Variants in GALK2 observed in about 807,000 individuals in gnomAD.
GALK2 encodes N-acetylgalactosamine kinase.
In GALK2, 36 loss-of-function variants were observed where a neutral mutation model predicts 52.4. The ratio of observed to expected loss-of-function variants is 0.69; its 90% CI spans 0.53 to 0.91. GALK2 has a LOEUF of 0.91. Among genes scored for constraint, GALK2 ranks in the 40% least tolerant of loss-of-function variants. The pLI, the probability that GALK2 is intolerant of heterozygous loss-of-function variation, is 0.00. For missense variants in GALK2, 579 were observed against 559.1 expected, an observed-to-expected ratio of 1.04 and a Z score of -0.36; for synonymous variants, 176 against 199.1, an observed-to-expected ratio of 0.88 and a Z score of 0.98.
chr15:49,197,525 A>G (rs1261566403), intron 1 of GALK2, among the ~76,000 whole-genome samples: 3 of 152,224 alleles, frequency 2.0e-5, no homozygotes, highest in Non-Finnish European at 4.4e-5. Flanking sequence ...AAATCTAAAC[A>G]TGAAATTTAT....
At chr15:49,281,016 T>G (rs999141996) in intron 5 of GALK2, among the ~76,000 whole-genome samples, 6 of 152,118 alleles carry the variant, frequency 3.9e-5, no homozygotes, top group Non-Finnish European at 1.5e-5. Flanking sequence ...TTTGTATTTT[T>G]AGTAGAGATG....
At chr15:49,225,110 G>C (rs1480187791) in intron 3 of GALK2, 1 of 431,158 alleles carries the variant, frequency 2.3e-6, no homozygotes, top group South Asian at 1.7e-5. Flanking sequence ...AGTGGGGTAG[G>C]GGGAGACAGA....
At chr15:49,201,391 T>G (rs960426974) in intron 2 of GALK2, 141 bp downstream of exon 2, 20 of 535,972 alleles carry the variant, frequency 3.7e-5, no homozygotes, top group Non-Finnish European at 5.9e-5. Flanking sequence ...TGCCTTTGCA[T>G]AAGGAACACA....
intron 2 of GALK2, among the ~76,000 whole-genome samples, chr15:49,207,773 A>G (rs1456767600): frequency 6.6e-6 from 1 of 151,860 alleles, no homozygotes; most frequent in Non-Finnish European, 1.5e-5. Flanking sequence ...CTAATGGTCT[A>G]TCAATTTTCT....
intron 1 of GALK2, among the ~76,000 whole-genome samples, chr15:49,175,383 AAG>A (rs2085368519): frequency 6.6e-6 from 1 of 152,136 alleles, no homozygotes; most frequent in Non-Finnish European, 1.5e-5. Flanking sequence ...GGGGTTTAGC[AAG>A]AGAGTGGTTT....
At chr15:49,283,205 G>C (rs577220052) in intron 6 of GALK2, among the ~76,000 whole-genome samples, 2 of 152,256 alleles carry the variant, frequency 1.3e-5, no homozygotes, top group Non-Finnish European at 2.9e-5. Flanking sequence ...TTAGAACTCA[G>C]TTTAGATTTC....
intron 1 of GALK2, among the ~76,000 whole-genome samples, chr15:49,197,088 T>A (rs905379638): frequency 6.6e-5 from 10 of 152,346 alleles, no homozygotes; most frequent in African/African-American, 2.4e-4. Flanking sequence ...AGCGAGTCCC[T>A]GTCTCTCACT....
chr15:49,318,853 C>A, intron 8 of GALK2: 1 of 426,950 alleles, frequency 2.3e-6, no homozygotes, highest in Admixed American at 2.8e-5. Context: ...CATGTCACTT[C>A]ACTCTATTGA....
At chr15:49,284,387 A>G (rs185592733) in intron 7 of GALK2, among the ~76,000 whole-genome samples, 3 of 152,316 alleles carry the variant, frequency 2.0e-5, no homozygotes, top group East Asian at 3.9e-4. Flanking sequence ...GAAACAGGAA[A>G]TGGTTAATAT....
At chr15:49,315,478 C>A (rs749557568) in intron 8 of GALK2, among the ~76,000 whole-genome samples, 4 of 152,112 alleles carry the variant, frequency 2.6e-5, no homozygotes, top group Non-Finnish European at 2.9e-5. Flanking sequence ...ATAACAGAGA[C>A]CTGATGAGTT....
rs113924587 is a variant in GALK2 at position 49,206,051 on chromosome 15, G to C, written c.142+4801G>C. ...AAGATCAGTTGGCTATAAGTATTTG[G>C]GTTTATTTGTGCGTTCTCTATTTTG... On this transcript the variant is annotated intron_variant, in intron 2 of 9. Transcript: ENST00000560031. 6.4e-3 allele frequency among the ~76,000 whole-genome samples: 971 copies of C among 152,100 alleles called. 17 individuals are homozygous for C. The highest frequency in any genetic ancestry group is 0.023 in the African/African-American group (934 of 41,490).
chr15:49,230,838 T>C (rs2090459996), intron 3 of GALK2, among the ~76,000 whole-genome samples: 1 of 152,224 alleles, frequency 6.6e-6, no homozygotes, highest in Admixed American at 6.5e-5. Context: ...CTCAGAATTC[T>C]ACAAACATGG....
intron 2 of GALK2, among the ~76,000 whole-genome samples, chr15:49,209,183 A>C (rs1229083484): frequency 6.6e-6 from 1 of 152,108 alleles, no homozygotes; most frequent in Non-Finnish European, 1.5e-5. Flanking sequence ...TTTAATACTG[A>C]TTTTGTATCT....
At chr15:49,252,027 A>T (rs1456808335) in intron 5 of GALK2, among the ~76,000 whole-genome samples, 2 of 152,102 alleles carry the variant, frequency 1.3e-5, no homozygotes, top group Non-Finnish European at 2.9e-5. Context: ...GCACTTTGGG[A>T]GGCAAAGGCG....
chr15:49,242,269 G>T (rs1418178019), intron 5 of GALK2, among the ~76,000 whole-genome samples: 1 of 152,176 alleles, frequency 6.6e-6, no homozygotes, highest in Non-Finnish European at 1.5e-5. Flanking sequence ...ACAGAGATGT[G>T]GGTAAGGTCA....
chr15:49,289,097 T>C (rs2033672512), intron 7 of GALK2, among the ~76,000 whole-genome samples: 1 of 152,240 alleles, frequency 6.6e-6, no homozygotes, highest in Non-Finnish European at 1.5e-5. Context: ...TTTATCATAA[T>C]TGGATTAAGT....
chr15:49,289,723 C>T (rs1289564348), intron 7 of GALK2, among the ~76,000 whole-genome samples: 3 of 152,158 alleles, frequency 2.0e-5, no homozygotes, highest in South Asian at 2.1e-4. Flanking sequence ...CTCATATTGG[C>T]GTCTTTTCCT....
intron 1 of GALK2, 120 bp downstream of exon 1, chr15:49,170,495 C>T (rs1232573328): frequency 2.1e-6 from 2 of 956,692 alleles, no homozygotes; most frequent in African/African-American, 3.3e-5. Context: ...CAAGTGGAAC[C>T]CTTGGGATTC....
At chr15:49,355,221 A>C (rs1019540144) in intron 3 of GALK2, among the ~76,000 whole-genome samples, 21 of 152,352 alleles carry the variant, frequency 1.4e-4, no homozygotes, top group East Asian at 7.7e-4. Flanking sequence ...TCACCAGCAA[A>C]GGAACAAAGC....
Sources: allele counts gnomAD v4.1 joint callset (sites outside exome capture counted in the v4.1 genomes callset), GRCh38; gene constraint gnomAD v4.1.1; transcripts MANE v1.5; gene names NCBI Gene and HGNC (gene_info 2026-07-23, HGNC 2026-07-21).